The following ROBO1 variants were observed in gnomAD, a reference collection of about 807,000 sequenced individuals.
ROBO1 encodes roundabout guidance receptor 1, also known as roundabout homolog 1.
In ROBO1, 149 loss-of-function variants were observed where a neutral mutation model predicts 195.9. That is an observed-to-expected ratio of 0.76 (90% CI 0.67 to 0.87). The LOEUF (loss-of-function observed/expected upper bound fraction) is 0.87. Ranked by LOEUF, ROBO1 falls within the 40% of genes least tolerant of loss-of-function variation. The pLI is 0.00. For missense variants in ROBO1, 1,933 were observed against 2,068.3 expected (o/e 0.93, Z 1.27); for synonymous variants, 816 against 733.2 (o/e 1.11, Z -1.82).
At chr3:79,224,421 C>G (rs1002123552) in intron 2 of ROBO1, among the ~76,000 whole-genome samples, 1 of 152,190 alleles carries the variant, frequency 6.6e-6, no homozygotes, top group African/African-American at 2.4e-5. Context: ...CGCAGGGTAA[C>G]AGCACTGAGC....
rs111448082 is a variant in ROBO1, at chr3:79,058,769, G to A, written c.172+66687C>T. Among the ~76,000 whole-genome samples the A allele has an allele frequency of 6.3e-3, 961 of 152,094 alleles. 15 individuals carry two copies. The highest frequency in any genetic ancestry group is 0.022 in the African/African-American group (911 of 41,522). ...GAGCTTGAGAAGGAATCTGGATTCC[G>A]GTAACTTTGCTCACACCTTGGGAAT... On this transcript the variant is annotated intron_variant, in intron 3 of 30. Coordinates refer to ENST00000464233, the MANE Select transcript of ROBO1 (RefSeq NM_002941.4).
At chr3:79,574,699 C>G (rs2107761069) in intron 2 of ROBO1, among the ~76,000 whole-genome samples, 1 of 151,852 alleles carries the variant, frequency 6.6e-6, no homozygotes, top group South Asian at 2.1e-4. Flanking sequence ...ATTTGTGGAT[C>G]TGTGACTTTT....
intron 2 of ROBO1, among the ~76,000 whole-genome samples, chr3:79,507,523 G>C (rs1940466964): frequency 6.6e-6 from 1 of 152,284 alleles, no homozygotes; most frequent in African/African-American, 2.4e-5. Context: ...TTTTGGGAAT[G>C]AGAAGTGTAG....
Position 79,052,832 on chromosome 3 carries a change from C to T in ROBO1, c.172+72624G>A, listed in dbSNP as rs187218784. Among the ~76,000 whole-genome samples, 15 of 152,138 alleles carry T rather than the reference C, an allele frequency of 9.9e-5. No individual in the cohort carries two copies. In the South Asian group the frequency reaches 1.2e-3, roughly 13 times the overall value. Reference sequence around the variant, plus strand: ...TAGGTGTGGAGAAACATCATTGGTTCGGTCCACAGAAACTTGTTCAACTCC... The same window carrying T: ...TAGGTGTGGAGAAACATCATTGGTTTGGTCCACAGAAACTTGTTCAACTCC... On this transcript the variant is annotated intron_variant, in intron 3 of 30. Coordinates refer to ENST00000464233, the MANE Select transcript of ROBO1 (RefSeq NM_002941.4).
intron 2 of ROBO1, among the ~76,000 whole-genome samples, chr3:79,585,183 C>T (rs1167439250): frequency 6.6e-6 from 1 of 151,842 alleles, no homozygotes; most frequent in African/African-American, 2.4e-5. Flanking sequence ...AGTCATAATA[C>T]AGCCATGGTT....
chr3:79,156,509 A>G (rs1007551759), intron 2 of ROBO1, among the ~76,000 whole-genome samples: 37 of 151,818 alleles, frequency 2.4e-4, no homozygotes, highest in African/African-American at 8.5e-4. Flanking sequence ...AAGGAAAACG[A>G]TTCGTTTTTC....
At chr3:79,171,221 T>A (rs2081159546) in intron 2 of ROBO1, among the ~76,000 whole-genome samples, 1 of 150,628 alleles carries the variant, frequency 6.6e-6, no homozygotes, top group Non-Finnish European at 1.5e-5. Flanking sequence ...AAAAAGCTTA[T>A]GAAAGTAACA....
At chr3:79,357,330 A>G (rs1317127050) in intron 2 of ROBO1, among the ~76,000 whole-genome samples, 1 of 152,146 alleles carries the variant, frequency 6.6e-6, no homozygotes. Context: ...CTATATATTT[A>G]AGGGGCAAAA....
chr3:79,019,197 G>C (rs1265640658), intron 3 of ROBO1: 1 of 986,400 alleles, frequency 1.0e-6, no homozygotes, highest in Non-Finnish European at 1.2e-6. Flanking sequence ...GCCCAACATC[G>C]CCCTCGGCCC....
rs913190214 is a variant in ROBO1 at position 79,642,782 on chromosome 3, C to T, written c.-50-52821G>A. 3.9e-5 allele frequency among the ~76,000 whole-genome samples: 6 copies of T among 151,924 alleles called. No individual in the cohort carries two copies. In the South Asian group the frequency reaches 6.2e-4, roughly 16 times the overall value. On this transcript the variant is annotated intron_variant, in intron 1 of 30. Coordinates refer to ENST00000464233, the MANE Select transcript of ROBO1 (RefSeq NM_002941.4). ...GCTAAAAGCAGTTTTTCACTCTGAA[C>T]GAAAAAAACACTAATATGCCGAAAG...
chr3:78,640,307 T>C (rs929850565), intron 21 of ROBO1, among the ~76,000 whole-genome samples: 1 of 152,202 alleles, frequency 6.6e-6, no homozygotes, highest in African/African-American at 2.4e-5. Flanking sequence ...TCCTTACAAC[T>C]TCATTAAAAA....
chr3:78,664,978 T>A (rs1707648595), intron 14 of ROBO1, among the ~76,000 whole-genome samples: 1 of 152,192 alleles, frequency 6.6e-6, no homozygotes, highest in African/African-American at 2.4e-5. Flanking sequence ...CGAGCTAGAA[T>A]AAGCATAACT....
intron 2 of ROBO1, among the ~76,000 whole-genome samples, chr3:79,217,819 T>C (rs1289757174): frequency 6.6e-6 from 1 of 151,996 alleles, no homozygotes; most frequent in Non-Finnish European, 1.5e-5. Flanking sequence ...TTTAAGAAAC[T>C]ATTTTATACA....
At chr3:79,018,622 G>C in intron 3 of ROBO1, 1 of 1,452,572 alleles carries the variant, frequency 6.9e-7, no homozygotes, top group East Asian at 2.5e-5. Flanking sequence ...CGACCTTTCC[G>C]GACGCTTGTC....
intron 3 of ROBO1, among the ~76,000 whole-genome samples, chr3:78,970,614 T>C (rs912045043): frequency 6.6e-6 from 1 of 152,132 alleles, no homozygotes; most frequent in African/African-American, 2.4e-5. Flanking sequence ...GATTTTAATA[T>C]TAAAATAATC....
intron 1 of ROBO1, among the ~76,000 whole-genome samples, chr3:79,730,534 A>G (rs569407481): frequency 6.6e-6 from 1 of 152,272 alleles, no homozygotes; most frequent in East Asian, 1.9e-4. Flanking sequence ...TTGGGGGCCA[A>G]TAAAAAAAAT....
intron 3 of ROBO1, among the ~76,000 whole-genome samples, chr3:79,084,223 C>T (rs931004793): frequency 5.3e-5 from 8 of 151,980 alleles, no homozygotes; most frequent in Non-Finnish European, 1.2e-4. Context: ...TAATAAAGGC[C>T]GGCGGTGGCT....
At chr3:79,522,780 A>G (rs745890932) in intron 2 of ROBO1, among the ~76,000 whole-genome samples, 1 of 152,168 alleles carries the variant, frequency 6.6e-6, no homozygotes, top group Non-Finnish European at 1.5e-5. Context: ...TTTAACTGAT[A>G]TATTTTATAT....
intron 2 of ROBO1, among the ~76,000 whole-genome samples, chr3:79,482,980 A>G (rs1938948340): frequency 1.3e-5 from 2 of 152,156 alleles, no homozygotes; most frequent in African/African-American, 4.8e-5. Context: ...CAAACTCCTC[A>G]ACAACAACAG....
Sources: gnomAD v4.1 joint callset for allele counts (sites outside exome capture counted in the v4.1 genomes callset) on GRCh38, gnomAD v4.1.1 for gene constraint, MANE v1.5 for transcripts, NCBI Gene and HGNC (gene_info 2026-07-23, HGNC 2026-07-21) for gene names.